AHNAK: variants seen among roughly 807,000 people sequenced by gnomAD.
AHNAK encodes neuroblast differentiation-associated protein AHNAK.
A neutral mutation model predicts 37.8 loss-of-function variants in AHNAK; 23 were observed. The ratio of observed to expected loss-of-function variants is 0.61; its 90% CI spans 0.44 to 0.86. The LOEUF (loss-of-function observed/expected upper bound fraction) is 0.86, where lower values mean the gene tolerates loss of function less well. AHNAK is among the 40% of genes least tolerant of loss of function. The probability of loss-of-function intolerance (pLI) is 0.00; values close to 1 mark genes in which losing one functional copy is unlikely to be tolerated. For synonymous variants in AHNAK, 2,481 were observed against 2,636.3 expected (o/e 0.94, Z 1.80); for missense variants, 7,411 against 7,319.4 (o/e 1.01, Z -0.46).
intron 4 of AHNAK, 98 bp downstream of exon 4, chr11:62,534,903 AAG>A: frequency 7.6e-7 from 1 of 1,308,238 alleles, no homozygotes; most frequent in Non-Finnish European, 1.1e-6. Context: ...AAGGAGCAAA[AAG>A]AGAGGGTCCG....
chr11:62,545,203 G>A (rs916332152), intron 1 of AHNAK, among the ~76,000 whole-genome samples: 1 of 151,994 alleles, frequency 6.6e-6, no homozygotes, highest in African/African-American at 2.4e-5. Flanking sequence ...TGCCACGGTC[G>A]CCGCGGCGGG....
chr11:62,524,704 T>C lies in AHNAK; in HGVS notation c.9713A>G (p.Asp3238Gly). ...ACCTTCTACATTTGCAAGTGAAACA[T>C]CCACCTCTCCTTTCATTTTAGGGCC... is the stretch of plus-strand genomic sequence containing the variant. ...LKGPKMKGEV[D>G]VSLANVEGDL... Residue 3238 changes from aspartate (D) to glycine (G), a missense_variant, in exon 5 of 5, where the codon GAT becomes GGT. Physicochemically the swap from Asp to Gly is moderately conservative, Grantham distance 94 (BLOSUM62 -1). Coordinates refer to ENST00000378024, the MANE Select transcript of AHNAK (RefSeq NM_001620.3). The C allele has an allele frequency of 6.2e-7, 1 of 1,614,230 alleles. No homozygotes were observed. Among genetic ancestry groups the C allele is most frequent in the Non-Finnish European group, 8.5e-7 (1 of 1,180,048 alleles).
intron 4 of AHNAK, among the ~76,000 whole-genome samples, chr11:62,505,705 C>T (rs529515017): frequency 3.3e-5 from 5 of 151,550 alleles, no homozygotes; most frequent in African/African-American, 1.2e-4. Flanking sequence ...CCCTCCCCCT[C>T]GACCTAGGGC....
chr11:62,495,081 A>G (rs1231082259), intron 4 of AHNAK, among the ~76,000 whole-genome samples: 1 of 151,660 alleles, frequency 6.6e-6, no homozygotes, highest in Non-Finnish European at 1.5e-5. Context: ...TGGGACAATC[A>G]CCTGATCTCA....
rs751260001 is a variant in AHNAK, at chr11:62,527,279, G to A, written c.7138C>T (p.His2380Tyr). ...ATAGAGATTTTGGGAGCTTTAAAGTGCATATCTGGCATCTTGAACTTAGGA... is the reference window on the plus strand; with the variant it reads ...ATAGAGATTTTGGGAGCTTTAAAGTACATATCTGGCATCTTGAACTTAGGA... ...KTPKFKMPDMHFKAPKISMPD... is the reference protein window; with the variant it reads ...KTPKFKMPDMYFKAPKISMPD... The change falls in exon 5 of 5, where the codon CAC becomes TAC. Residue 2380 changes from histidine (H) to tyrosine (Y), a missense_variant. Coordinates refer to ENST00000378024, the MANE Select transcript of AHNAK (RefSeq NM_001620.3). The A allele has an allele frequency of 3.7e-6, 6 of 1,613,818 alleles. No homozygotes were observed. In the South Asian group the frequency reaches 6.6e-5, roughly 18 times the overall value.
At chr11:62,504,578 C>T (rs748560169) in intron 4 of AHNAK, among the ~76,000 whole-genome samples, 1 of 152,104 alleles carries the variant, frequency 6.6e-6, no homozygotes, top group Non-Finnish European at 1.5e-5. Context: ...CCCTCCCCAC[C>T]GCCTGGCCAC....
At position 62,522,787 on chromosome 11, in the gene AHNAK, T is replaced by G. The variant is rs772309285; in HGVS notation, c.11630A>C (p.Asp3877Ala). The G allele has an allele frequency of 1.2e-6, 2 of 1,614,128 alleles. No homozygotes were observed. Among genetic ancestry groups the G allele is most frequent in the Admixed American group, 3.3e-5 (2 of 60,018 alleles). ...NIKAPKISMP[D>A]IDLNLKGPKV... is the part of the protein sequence containing the mutation. ...GGGTCCTTTCAGGTTAAGATCAATG[T>G]CAGGCATGGAGATCTTGGGGGCTTT... The change falls in exon 5 of 5, where the codon GAC (aspartate) becomes GCC (alanine). Residue 3877 changes from aspartate to alanine, a missense_variant. Transcript: ENST00000378024.
chr11:62,455,780 G>A (rs1400489154), intron 5 of AHNAK, among the ~76,000 whole-genome samples: 8 of 150,454 alleles, frequency 5.3e-5, no homozygotes, highest in Admixed American at 1.3e-4. Flanking sequence ...CAGGAGAATC[G>A]CTTGAACCTG....
chr11:62,522,624 C>A lies in AHNAK; in HGVS notation c.11793G>T (p.Lys3931Asn). The A allele has an allele frequency of 1.2e-6, 2 of 1,612,412 alleles. No homozygotes were observed. The highest frequency in any genetic ancestry group is 1.7e-6 in the Non-Finnish European group (2 of 1,179,558). ...VDVRGPDWHL[K>N]MPKIKMPKIS... ...TCTTGGGCATTTTTATCTTAGGCAT[C>A]TTCAGGTGCCAGTCTGGGCCTCGAA... Residue 3931 changes from lysine (K) to asparagine (N), a missense_variant, in exon 5 of 5, where the codon AAG (lysine) becomes AAT (asparagine). Lys to Asn is a moderately conservative substitution (Grantham distance 94). Transcript: ENST00000378024.
chr11:62,450,207 G>GT (rs1938506295), intron 5 of AHNAK, among the ~76,000 whole-genome samples: 2 of 151,278 alleles, frequency 1.3e-5, no homozygotes, highest in Admixed American at 6.6e-5. Context: ...CCAGGCTGCA[G>GT]TGCAATGGTG....
chr11:62,513,077 G>A (rs1939943547), downstream of AHNAK, among the ~76,000 whole-genome samples: 1 of 152,306 alleles, frequency 6.6e-6, no homozygotes, highest in Middle Eastern at 3.4e-3. Context: ...TGCCTAAAGC[G>A]AGGCTGACCT....
chr11:62,544,515 C>A (rs1399227617), intron 1 of AHNAK, among the ~76,000 whole-genome samples: 1 of 152,150 alleles, frequency 6.6e-6, no homozygotes, highest in Non-Finnish European at 1.5e-5. Context: ...TCCCACAGCC[C>A]CCAAACCCTG....
intron 5 of AHNAK, among the ~76,000 whole-genome samples, chr11:62,442,350 C>T (rs1938324019): frequency 6.6e-6 from 1 of 152,018 alleles, no homozygotes; most frequent in Non-Finnish European, 1.5e-5. Flanking sequence ...GAGTTCAAGA[C>T]CATCTTGGGC....
rs140852622 is a variant in AHNAK at position 62,518,227 on chromosome 11, G to T, written c.16190C>A (p.Ser5397Tyr). ...TTTGGGAAGTTTAATGCTGCCTTCG[G>T]ATGCCTCCAAGCTTAGATCAGGAGC... is the stretch of plus-strand genomic sequence containing the variant. ...VGAPDLSLEA[S>Y]EGSIKLPKMK... Residue 5397 changes from serine to tyrosine, a missense_variant, in exon 5 of 5, where the codon TCC (serine) becomes TAC (tyrosine). By Grantham distance (144) the Ser-to-Tyr change is moderately radical. Transcript: ENST00000378024. 1.9e-6 allele frequency: 3 copies of T among 1,614,048 alleles called. No homozygotes were observed. In the African/African-American group the frequency reaches 4.0e-5, roughly 22 times the overall value.
At chr11:62,448,588 G>A (rs78660558) in intron 5 of AHNAK, among the ~76,000 whole-genome samples, 4,262 of 152,242 alleles carry the variant, frequency 0.028, 207 homozygotes, top group African/African-American at 0.098. Flanking sequence ...GATACTATTT[G>A]TTGAGATGGA....
chr11:62,487,552 G>C (rs11231107), intron 5 of AHNAK, among the ~76,000 whole-genome samples: 22,091 of 152,260 alleles, frequency 0.15, 3,949 homozygotes, highest in African/African-American at 0.42. Flanking sequence ...CACTGTCGCC[G>C]GTGGCGCAGT....
At position 62,520,955 on chromosome 11, in the gene AHNAK, G is replaced by A. The variant is rs1316132320; in HGVS notation, c.13462C>T (p.Leu4488=). ...DVSLPKVESD[L]KGPEVDIEGP... ...TCAATGTCTACCTCTGGCCCTTTCA[G>A]ATCACTTTCCACCTTAGGTAGTGAA... is the stretch of plus-strand genomic sequence containing the variant. The change falls in exon 5 of 5, where the codon CTG becomes TTG. Residue 4488 remains leucine, a synonymous_variant. Coordinates refer to ENST00000378024, the MANE Select transcript of AHNAK (RefSeq NM_001620.3). 1.2e-6 allele frequency: 2 copies of A among 1,614,040 alleles called. No individual in the cohort carries two copies. Among genetic ancestry groups the A allele is most frequent in the Admixed American group, 3.3e-5 (2 of 60,004 alleles).
chr11:62,485,956 G>A (rs1482037011), intron 5 of AHNAK, among the ~76,000 whole-genome samples: 1 of 149,796 alleles, frequency 6.7e-6, no homozygotes, highest in Non-Finnish European at 1.5e-5. Context: ...GGGAGGCGGA[G>A]GTTGCAGTGA....
intron 5 of AHNAK, among the ~76,000 whole-genome samples, chr11:62,474,759 C>T (rs1431560341): frequency 6.6e-6 from 1 of 152,212 alleles, no homozygotes; most frequent in Non-Finnish European, 1.5e-5. Flanking sequence ...CTGAGCACCC[C>T]GTGCTGGGTC....
Sources: allele counts gnomAD v4.1 joint callset (sites outside exome capture counted in the v4.1 genomes callset), GRCh38; gene constraint gnomAD v4.1.1; transcripts MANE v1.5; gene names NCBI Gene and HGNC (gene_info 2026-07-23, HGNC 2026-07-21).